The following SLC9A9 variants were observed in gnomAD, a reference collection of about 807,000 sequenced individuals.
SLC9A9 encodes sodium/hydrogen exchanger 9.
SLC9A9 carries 62 observed loss-of-function variants against 77.8 expected under a neutral mutation model. The ratio of observed to expected loss-of-function variants is 0.80; its 90% CI spans 0.65 to 0.98. The LOEUF is 0.98. SLC9A9 is among the 50% of genes least tolerant of loss of function. The pLI is 0.00. For synonymous variants in SLC9A9, 320 were observed against 283.5 expected, an observed-to-expected ratio of 1.13 and a Z score of -1.29; for missense variants, 775 against 774.9, an observed-to-expected ratio of 1.00 and a Z score of 0.00.
chr3:143,664,352 C>T (rs1252196598), intron 5 of SLC9A9, among the ~76,000 whole-genome samples: 4 of 152,176 alleles, frequency 2.6e-5, no homozygotes, highest in Admixed American at 1.3e-4. Flanking sequence ...AAAGGAACAA[C>T]CGGTACCAGC....
chr3:143,698,024 C>T (rs765715346), intron 4 of SLC9A9: 1 of 152,190 alleles, frequency 6.6e-6, no homozygotes, highest in Non-Finnish European at 1.5e-5. Context: ...GTTATAACTA[C>T]ATTAACTGGG....
chr3:143,376,223 T>C (rs934159985), intron 13 of SLC9A9, among the ~76,000 whole-genome samples: 6 of 152,192 alleles, frequency 3.9e-5, no homozygotes, highest in Non-Finnish European at 7.3e-5. Flanking sequence ...AGAATATGCT[T>C]GATACTCTCG....
intron 4 of SLC9A9, among the ~76,000 whole-genome samples, chr3:143,699,610 C>T (rs1230695226): frequency 6.6e-6 from 1 of 152,190 alleles, no homozygotes; most frequent in Non-Finnish European, 1.5e-5. Flanking sequence ...CAGTTCATGC[C>T]TTTCCACAGA....
chr3:143,581,333 A>G (rs531223727), intron 6 of SLC9A9, among the ~76,000 whole-genome samples: 17 of 152,358 alleles, frequency 1.1e-4, no homozygotes, highest in African/African-American at 3.8e-4. Context: ...CTTAAGTTCC[A>G]TGGTGAGAAT....
At chr3:143,401,363 G>A (rs1488415239) in intron 12 of SLC9A9, among the ~76,000 whole-genome samples, 1 of 152,132 alleles carries the variant, frequency 6.6e-6, no homozygotes, top group Non-Finnish European at 1.5e-5. Context: ...CTGGGGTACT[G>A]CACTATTCCT....
chr3:143,407,972 T>C (rs1381522318), intron 12 of SLC9A9, among the ~76,000 whole-genome samples: 1 of 152,214 alleles, frequency 6.6e-6, no homozygotes, highest in Non-Finnish European at 1.5e-5. Flanking sequence ...AGGATCAAGA[T>C]GCTGGCCAAT....
chr3:143,320,780 T>C (rs1200116137), intron 14 of SLC9A9, among the ~76,000 whole-genome samples: 1 of 152,228 alleles, frequency 6.6e-6, no homozygotes, highest in Non-Finnish European at 1.5e-5. Flanking sequence ...CCTTAACCCC[T>C]AATACCTGTA....
intron 8 of SLC9A9, among the ~76,000 whole-genome samples, chr3:143,561,667 G>T (rs1165008523): frequency 3.3e-5 from 5 of 152,118 alleles, no homozygotes; most frequent in Admixed American, 2.6e-4. Context: ...TTCTCATCTG[G>T]CTAGTGGCTA....
chr3:143,372,833 A>G (rs563724604), intron 13 of SLC9A9, among the ~76,000 whole-genome samples: 1 of 152,270 alleles, frequency 6.6e-6, no homozygotes, highest in East Asian at 1.9e-4. Flanking sequence ...AGAAATACAA[A>G]TGGCAAAAAA....
intron 12 of SLC9A9, among the ~76,000 whole-genome samples, chr3:143,427,489 C>T (rs3849197): frequency 0.63 from 95,074 of 152,104 alleles, 30,015 homozygotes; most frequent in African/African-American, 0.7. Context: ...TTACTTGTAT[C>T]CTATCCTTTT....
Position 143,700,960 on chromosome 3 carries a change from A to G in SLC9A9, c.534-7653T>C, listed in dbSNP as rs562437842. Among the ~76,000 whole-genome samples the G allele has an allele frequency of 3.9e-5, 6 of 152,340 alleles. No homozygotes were observed. The East Asian group carries it at 1.2e-3, about 29-fold the overall frequency. ...AGGTCCAGGCAGCTTAGAACAGAGC[A>G]AGGCTCCATTTGTTTGGGAGAAAGT... On this transcript the variant is annotated intron_variant, in intron 4 of 15. Coordinates refer to ENST00000316549, the MANE Select transcript of SLC9A9 (RefSeq NM_173653.4).
chr3:143,510,056 G>T (rs994595437), intron 9 of SLC9A9, among the ~76,000 whole-genome samples: 2 of 152,150 alleles, frequency 1.3e-5, no homozygotes, highest in African/African-American at 4.8e-5. Context: ...TGCATAATTT[G>T]TATAGATTAA....
At chr3:143,464,497 ACTCTTC>A (rs2035252006) in intron 12 of SLC9A9, among the ~76,000 whole-genome samples, 1 of 152,016 alleles carries the variant, frequency 6.6e-6, no homozygotes, top group South Asian at 2.1e-4. Flanking sequence ...GTGCACAGTG[ACTCTTC>A]CTCTTTAAGT....
rs960679099 is a variant in SLC9A9 at position 143,817,154 on chromosome 3, T to A, written c.378+14865A>T. Among the ~76,000 whole-genome samples, 333 of 150,120 alleles carry A rather than the reference T, an allele frequency of 2.2e-3. 2 individuals carry two copies. Among genetic ancestry groups the A allele is most frequent in the Non-Finnish European group, 3.6e-3 (242 of 67,386 alleles). On this transcript the variant is annotated intron_variant, in intron 2 of 15. Transcript: ENST00000316549. ...GTTTATTTTTTTTTTTATTTTTTTT[T>A]TTTTTGAGACGGAGTCTCGCTCTGT...
At chr3:143,810,886 T>G (rs2008847549) in intron 2 of SLC9A9, among the ~76,000 whole-genome samples, 1 of 152,204 alleles carries the variant, frequency 6.6e-6, no homozygotes, top group Non-Finnish European at 1.5e-5. Context: ...TATAATTGCA[T>G]CTAAGGTGCT....
chr3:143,281,947 G>A (rs1025673901), intron 14 of SLC9A9, among the ~76,000 whole-genome samples: 7 of 152,272 alleles, frequency 4.6e-5, no homozygotes, highest in Non-Finnish European at 8.8e-5. Flanking sequence ...TCTGATAAAG[G>A]GGAATCAGGC....
chr3:143,714,973 T>G (rs1215048775), intron 4 of SLC9A9, among the ~76,000 whole-genome samples: 1 of 152,104 alleles, frequency 6.6e-6, no homozygotes, highest in Non-Finnish European at 1.5e-5. Flanking sequence ...CTCGTGAGAT[T>G]TGTTGGTTTT....
chr3:143,415,989 G>C (rs1485771799), intron 12 of SLC9A9, among the ~76,000 whole-genome samples: 1 of 152,152 alleles, frequency 6.6e-6, no homozygotes, highest in Non-Finnish European at 1.5e-5. Flanking sequence ...AACCCTCATG[G>C]ATGACTCCTG....
At chr3:143,842,469 T>A (rs552124963) in intron 1 of SLC9A9, among the ~76,000 whole-genome samples, 1 of 152,236 alleles carries the variant, frequency 6.6e-6, no homozygotes, top group Non-Finnish European at 1.5e-5. Flanking sequence ...TTATTTTCCC[T>A]GTCTCTGGCA....
Sources: gnomAD v4.1 joint callset for allele counts (sites outside exome capture counted in the v4.1 genomes callset) on GRCh38, gnomAD v4.1.1 for gene constraint, MANE v1.5 for transcripts, NCBI Gene and HGNC (gene_info 2026-07-23, HGNC 2026-07-21) for gene names.